Variants in ME3 observed in about 807,000 individuals in gnomAD.
ME3 encodes NADP-dependent malic enzyme, mitochondrial.
A neutral mutation model predicts 68.9 loss-of-function variants in ME3; 48 were observed. The ratio of observed to expected loss-of-function variants is 0.70; its 90% CI spans 0.55 to 0.89. The LOEUF (loss-of-function observed/expected upper bound fraction) is 0.89, where lower values mean the gene tolerates loss of function less well. Ranked by LOEUF, ME3 falls within the 40% of genes least tolerant of loss-of-function variation. ME3 has a pLI of 0.00. For synonymous variants in ME3, 320 were observed against 318.8 expected, an observed-to-expected ratio of 1.00 and a Z score of -0.04; for missense variants, 675 against 797.4, an observed-to-expected ratio of 0.85 and a Z score of 1.85.
intron 4 of ME3, among the ~76,000 whole-genome samples, chr11:86,551,413 G>A (rs1956675826): frequency 6.6e-6 from 1 of 152,126 alleles, no homozygotes; most frequent in African/African-American, 2.4e-5. Flanking sequence ...GAGTGTGTGT[G>A]TGCACCCATG....
At chr11:86,468,598 T>A (rs554679478) in intron 7 of ME3, among the ~76,000 whole-genome samples, 40 of 152,366 alleles carry the variant, frequency 2.6e-4, no homozygotes, top group African/African-American at 9.4e-4. Context: ...GTCTGCCAAC[T>A]CTTTAAACTA....
At chr11:86,561,252 C>A (rs1264642002) in intron 2 of ME3, among the ~76,000 whole-genome samples, 4 of 151,992 alleles carry the variant, frequency 2.6e-5, no homozygotes, top group African/African-American at 9.7e-5. Flanking sequence ...TACTTTCTGG[C>A]ACTACAAGAT....
chr11:86,514,924 G>A (rs1302914168), intron 4 of ME3, among the ~76,000 whole-genome samples: 3 of 152,158 alleles, frequency 2.0e-5, no homozygotes, highest in Non-Finnish European at 2.9e-5. Context: ...TGTCCAGAGA[G>A]ATATTTGGCT....
chr11:86,672,247 C>A (rs1438758822), intron 1 of ME3, 77 bp downstream of exon 1: 1 of 337,494 alleles, frequency 3.0e-6, no homozygotes, highest in Non-Finnish European at 5.3e-6. Context: ...GAAAAAGAGG[C>A]GACTGCGCGG....
At chr11:86,462,048 T>C (rs763799773) in intron 8 of ME3, among the ~76,000 whole-genome samples, 2 of 152,188 alleles carry the variant, frequency 1.3e-5, no homozygotes, top group Non-Finnish European at 2.9e-5. Flanking sequence ...AATGGATTGA[T>C]TTAATTAAAA....
At chr11:86,494,319 A>G (rs543438220) in intron 6 of ME3, among the ~76,000 whole-genome samples, 2 of 152,214 alleles carry the variant, frequency 1.3e-5, no homozygotes, top group South Asian at 2.1e-4. Context: ...CCAGTCTATA[A>G]TGCAAACACC....
At chr11:86,533,266 A>G (rs1955394925) in intron 4 of ME3, among the ~76,000 whole-genome samples, 1 of 152,138 alleles carries the variant, frequency 6.6e-6, no homozygotes, top group Non-Finnish European at 1.5e-5. Context: ...TAGCTATACT[A>G]TGAAAAAAAG....
At chr11:86,645,016 G>A (rs7103642) in intron 2 of ME3, among the ~76,000 whole-genome samples, 13,626 of 152,216 alleles carry the variant, frequency 0.09, 655 homozygotes, top group Non-Finnish European at 0.11. Context: ...CATGAGAGAC[G>A]AAGCTATGTG....
chr11:86,550,934 G>C (rs1053339730), intron 4 of ME3, among the ~76,000 whole-genome samples: 4 of 152,064 alleles, frequency 2.6e-5, no homozygotes, highest in Admixed American at 2.0e-4. Flanking sequence ...GGAAGCAGAG[G>C]TGTGTAATTC....
intron 2 of ME3, among the ~76,000 whole-genome samples, chr11:86,620,687 AG>A (rs1206538350): frequency 3.9e-5 from 6 of 152,250 alleles, no homozygotes; most frequent in Admixed American, 2.6e-4. Context: ...CAGCTTACAA[AG>A]GGGATACCTT....
chr11:86,665,039 G>C (rs1431123729), intron 2 of ME3, among the ~76,000 whole-genome samples: 1 of 152,184 alleles, frequency 6.6e-6, no homozygotes, highest in Non-Finnish European at 1.5e-5. Flanking sequence ...TGAAAGAAGG[G>C]GCCTTGGCAA....
At chr11:86,515,323 T>C (rs1162051759) in intron 4 of ME3, among the ~76,000 whole-genome samples, 2 of 152,232 alleles carry the variant, frequency 1.3e-5, no homozygotes. Context: ...ATTGTCATAA[T>C]GCTCTTGCAA....
At chr11:86,584,311 G>A (rs1248986438) in intron 2 of ME3, among the ~76,000 whole-genome samples, 1 of 152,048 alleles carries the variant, frequency 6.6e-6, no homozygotes, top group Non-Finnish European at 1.5e-5. Context: ...AAAAACAAAA[G>A]GTAACAAGTA....
chr11:86,484,326 C>G (rs777744935), intron 7 of ME3, among the ~76,000 whole-genome samples: 7 of 146,966 alleles, frequency 4.8e-5, no homozygotes, highest in Admixed American at 1.4e-4. Flanking sequence ...CACCCCCAGG[C>G]TGGGCATTCT....
At chr11:86,451,988 A>C (rs556862955) in intron 8 of ME3, among the ~76,000 whole-genome samples, 1 of 152,302 alleles carries the variant, frequency 6.6e-6, no homozygotes, top group South Asian at 2.1e-4. Flanking sequence ...CCTTATGGAG[A>C]TAATGAGCTT....
At chr11:86,599,559 T>C (rs1594609816) in intron 2 of ME3, among the ~76,000 whole-genome samples, 2 of 152,272 alleles carry the variant, frequency 1.3e-5, no homozygotes, top group African/African-American at 4.8e-5. Flanking sequence ...TTCCCCAATC[T>C]AGCAAGGCAG....
chr11:86,435,122 A>G, the ME3 span: 1 of 152,234 alleles, frequency 6.6e-6, no homozygotes, highest in Non-Finnish European at 1.5e-5. Context: ...ATTTGACCAT[A>G]TATTTGATTA....
At chr11:86,671,322 T>G (rs992776305) in intron 2 of ME3, among the ~76,000 whole-genome samples, 1 of 152,250 alleles carries the variant, frequency 6.6e-6, no homozygotes, top group Non-Finnish European at 1.5e-5. Context: ...TACCAGGCAC[T>G]GTTCTAACGT....
chr11:86,666,607 G>T (rs1237533430), intron 2 of ME3, among the ~76,000 whole-genome samples: 1 of 152,208 alleles, frequency 6.6e-6, no homozygotes, highest in Non-Finnish European at 1.5e-5. Context: ...ACCTGCCTCT[G>T]CTAGTTTGTT....
Sources: allele counts gnomAD v4.1 joint callset (sites outside exome capture counted in the v4.1 genomes callset), GRCh38; gene constraint gnomAD v4.1.1; transcripts MANE v1.5; gene names NCBI Gene and HGNC (gene_info 2026-07-23, HGNC 2026-07-21).